The following TCF7 variants were observed in gnomAD, a reference collection of about 807,000 sequenced individuals.
TCF7 encodes transcription factor 7.
Under a neutral mutation model 46.8 loss-of-function variants are expected in TCF7, and 19 were observed. The ratio of observed to expected loss-of-function variants is 0.41; its 90% CI spans 0.28 to 0.60. The LOEUF is 0.60. TCF7 is among the 20% of genes least tolerant of loss of function. The pLI is 0.35. For synonymous variants in TCF7, 245 were observed against 213.4 expected (o/e 1.15, Z -1.29); for missense variants, 547 against 504.6 (o/e 1.08, Z -0.81).
At chr5:134,138,310 G>T in intron 4 of TCF7, 146 bp downstream of exon 4, 1 of 679,024 alleles carries the variant, frequency 1.5e-6, no homozygotes, top group Non-Finnish European at 2.5e-6. Flanking sequence ...ATACCAGAAA[G>T]ATGGACTGGG....
At position 134,148,196 on chromosome 5, in the gene TCF7, AT is replaced by A. The variant is rs1311643505; in HGVS notation, c.*1894del. 1 of 152,604 alleles carries A rather than the reference AT, an allele frequency of 6.6e-6. No homozygotes were observed. The highest frequency in any genetic ancestry group is 6.5e-5 in the Admixed American group (1 of 15,286). The allele number at this position is 152,604 out of a possible 1,614,324, so 9.5% of individuals were successfully genotyped here. On this transcript the variant is annotated 3_prime_UTR_variant, in exon 10 of 10. Coordinates refer to ENST00000342854, the MANE Select transcript of TCF7 (RefSeq NM_003202.5). ...AAAACTTTTAAACATGAGAATAAAG[AT>A]ACTTTTTACTGGGTTTGTTTTTCAA...
chr5:134,136,083 G>A (rs987677037), intron 3 of TCF7, among the ~76,000 whole-genome samples: 1 of 152,172 alleles, frequency 6.6e-6, no homozygotes, highest in Non-Finnish European at 1.5e-5. Flanking sequence ...GAGAATGAGG[G>A]CTGAGAACTA....
intron 3 of TCF7, among the ~76,000 whole-genome samples, chr5:134,134,706 G>A (rs1758613603): frequency 6.6e-6 from 1 of 152,180 alleles, no homozygotes; most frequent in Admixed American, 6.5e-5. Context: ...TACAAGGAGA[G>A]AAAATGCAGC....
At chr5:134,118,886 A>G (rs1756198368) in intron 3 of TCF7, among the ~76,000 whole-genome samples, 1 of 152,166 alleles carries the variant, frequency 6.6e-6, no homozygotes, top group Non-Finnish European at 1.5e-5. Context: ...GGCTCAAGCC[A>G]TCCTCCCACC....
At chr5:134,142,348 T>C (rs1485592178) in intron 6 of TCF7, 44 bp downstream of exon 6, 1 of 1,495,956 alleles carries the variant, frequency 6.7e-7, no homozygotes, top group Admixed American at 1.9e-5. Flanking sequence ...TCAGTCAGGA[T>C]ACACATGCCT....
chr5:134,122,488 G>A (rs887313968), intron 3 of TCF7, among the ~76,000 whole-genome samples: 2 of 152,216 alleles, frequency 1.3e-5, no homozygotes, highest in Non-Finnish European at 2.9e-5. Context: ...TGGGGCTGAA[G>A]CAGATGAGGG....
chr5:134,145,027 C>A, intron 9 of TCF7: 1 of 679,892 alleles, frequency 1.5e-6, no homozygotes, highest in Non-Finnish European at 2.7e-6. Flanking sequence ...GTAGTAAATA[C>A]TGAACACAGC....
At chr5:134,121,251 A>G (rs1323505073) in intron 3 of TCF7, among the ~76,000 whole-genome samples, 1 of 151,832 alleles carries the variant, frequency 6.6e-6, no homozygotes, top group Non-Finnish European at 1.5e-5. Context: ...AGTCCTTTAC[A>G]TGAGATGTTA....
the TCF7 span, among the ~76,000 whole-genome samples, chr5:134,108,462 T>G: frequency 6.6e-6 from 1 of 152,078 alleles, no homozygotes; most frequent in Non-Finnish European, 1.5e-5. Flanking sequence ...CTGGTACAGG[T>G]CCTCTTCAAA....
intron 9 of TCF7, 103 bp downstream of exon 9, chr5:134,143,743 G>C: frequency 7.3e-7 from 1 of 1,368,166 alleles, no homozygotes. Flanking sequence ...CCAGCTAGGA[G>C]CCTTCAGGGC....
chr5:134,116,785 G>T (rs1471782139), intron 3 of TCF7, among the ~76,000 whole-genome samples: 5 of 152,282 alleles, frequency 3.3e-5, no homozygotes, highest in Non-Finnish European at 5.9e-5. Flanking sequence ...CCTATTCTGA[G>T]TGTTTTGGAG....
intron 3 of TCF7, among the ~76,000 whole-genome samples, chr5:134,131,620 G>A (rs946598474): frequency 5.3e-5 from 8 of 152,304 alleles, no homozygotes; most frequent in Admixed American, 1.3e-4. Flanking sequence ...TGGAGGCACC[G>A]GGATTCTAGA....
At chr5:134,143,139 A>ATCTCAAAGGGTCCCCTG in intron 8 of TCF7, 39 bp downstream of exon 8, 1 of 1,556,884 alleles carries the variant, frequency 6.4e-7, no homozygotes, top group Non-Finnish European at 8.7e-7. Context: ...TGGGCAGGGG[A>ATCTCAAAGGGTCCCCTG]CCCTTTGAGA....
At chr5:134,113,704 G>A (rs1220606860), upstream of TCF7, among the ~76,000 whole-genome samples, 1 of 152,272 alleles carries the variant, frequency 6.6e-6, no homozygotes, top group East Asian at 1.9e-4. Flanking sequence ...AGGCCCGCGT[G>A]GACGCAGACC....
rs1268216954 is a variant in TCF7 at position 134,146,528 on chromosome 5, CA to C, written c.*226del. The C allele has an allele frequency of 2.8e-6, 2 of 724,486 alleles. No homozygotes were observed. Among genetic ancestry groups the C allele is most frequent in the Non-Finnish European group, 5.1e-6 (2 of 391,002 alleles). 44.9% of individuals were successfully genotyped at this position (724,486 alleles called of 1,614,324 possible). On this transcript the variant is annotated 3_prime_UTR_variant, in exon 10 of 10. Transcript: ENST00000342854. ...TCAGAGACAGGTGGCCTAGCAGGCACAGGACACCTGGCCGCCTCCAGGAGCC... is the reference window on the plus strand; with the variant it reads ...TCAGAGACAGGTGGCCTAGCAGGCACGGACACCTGGCCGCCTCCAGGAGCC...
chr5:134,142,120 CTG>C, intron 5 of TCF7, 63 bp from the exon 6 acceptor site: 1 of 1,609,038 alleles, frequency 6.2e-7, no homozygotes, highest in Non-Finnish European at 8.5e-7. Flanking sequence ...GCAGGGGCCT[CTG>C]TGTGTGTCCA....
chr5:134,143,474 C>G (rs1313628149), intron 8 of TCF7, 118 bp from the exon 9 acceptor site: 2 of 1,231,476 alleles, frequency 1.6e-6, no homozygotes, highest in Non-Finnish European at 2.4e-6. Flanking sequence ...ACCAGCACCC[C>G]AAGGTAGGAG....
At chr5:134,132,329 AG>A (rs752726961) in intron 3 of TCF7, among the ~76,000 whole-genome samples, 1 of 152,202 alleles carries the variant, frequency 6.6e-6, no homozygotes, top group African/African-American at 2.4e-5. Flanking sequence ...GCTTTTCTCT[AG>A]GCCTGAAGCA....
At chr5:134,114,153 C>T (rs990335338), upstream of TCF7, among the ~76,000 whole-genome samples, 1 of 152,144 alleles carries the variant, frequency 6.6e-6, no homozygotes. Context: ...TGTATGCAGG[C>T]GGCCTAGAAG....
Sources: allele counts gnomAD v4.1 joint callset (sites outside exome capture counted in the v4.1 genomes callset), GRCh38; gene constraint gnomAD v4.1.1; transcripts MANE v1.5; gene names NCBI Gene and HGNC (gene_info 2026-07-23, HGNC 2026-07-21).